The following NACC2 variants were observed in gnomAD, a reference collection of about 807,000 sequenced individuals.
NACC2 encodes NACC family member 2.
In NACC2, 8 loss-of-function variants were observed where a neutral mutation model predicts 25.1. The ratio of observed to expected loss-of-function variants is 0.32; its 90% confidence interval spans 0.19 to 0.57. NACC2 has a LOEUF of 0.57. Among genes scored for constraint, NACC2 ranks in the 20% least tolerant of loss-of-function variants. NACC2 has a pLI of 0.89. For missense variants in NACC2, 644 were observed against 650.2 expected (o/e 0.99, Z 0.10); for synonymous variants, 435 against 294.7 (o/e 1.48, Z -4.88).
intron 2 of NACC2, among the ~76,000 whole-genome samples, chr9:136,042,725 GAC>G (rs1476948391): frequency 2.9e-4 from 41 of 143,172 alleles, no homozygotes; most frequent in African/African-American, 1.0e-3. Context: ...CACACACACA[GAC>G]ACAGACACAC....
At chr9:136,021,320 T>C (rs970689388) in intron 2 of NACC2, among the ~76,000 whole-genome samples, 25 of 149,346 alleles carry the variant, frequency 1.7e-4, no homozygotes, top group Admixed American at 1.6e-3. Context: ...AATCAAGCCA[T>C]GTTGCGGTCC....
chr9:136,038,314 T>C (rs558582455), intron 2 of NACC2, among the ~76,000 whole-genome samples: 2 of 152,302 alleles, frequency 1.3e-5, no homozygotes, highest in South Asian at 2.1e-4. Context: ...GGCCGGTGGA[T>C]TGCTTGAGCC....
intron 1 of NACC2, among the ~76,000 whole-genome samples, chr9:136,077,539 T>C (rs745474326): frequency 1.3e-5 from 2 of 152,098 alleles, no homozygotes; most frequent in Admixed American, 1.3e-4. Context: ...GCAAAGGGCG[T>C]GTGGTCAGAG....
intron 1 of NACC2, among the ~76,000 whole-genome samples, chr9:136,051,744 C>T (rs930838289): frequency 2.6e-5 from 4 of 152,114 alleles, no homozygotes; most frequent in African/African-American, 4.8e-5. Context: ...TCAGCCGCTG[C>T]GGCCGCCGGC....
intron 2 of NACC2, among the ~76,000 whole-genome samples, chr9:136,044,248 G>A (rs1840686089): frequency 6.6e-6 from 1 of 152,160 alleles, no homozygotes; most frequent in African/African-American, 2.4e-5. Flanking sequence ...CCAGTGCGGT[G>A]CTCCCACCTG....
At chr9:136,024,023 G>A (rs146761497) in intron 2 of NACC2, among the ~76,000 whole-genome samples, 87 of 152,370 alleles carry the variant, frequency 5.7e-4, no homozygotes, top group African/African-American at 1.9e-3. Context: ...CCAGCTGTGA[G>A]TTCCTCTGGG....
At position 136,022,757 on chromosome 9, in the gene NACC2, C is replaced by A. The variant is rs4842077; in HGVS notation, c.887-6328G>T. 6.6e-6 allele frequency among the ~76,000 whole-genome samples: 1 copy of A among 152,030 alleles called. No homozygotes were observed. The highest frequency in any genetic ancestry group is 2.0e-4 in the East Asian group (1 of 5,128). On this transcript the variant is annotated intron_variant, in intron 2 of 5. Transcript: ENST00000277554. This position sits in a 1 kb window ranked among gnomAD's most constrained non-coding sequence, Gnocchi z 4.4. Reference sequence around the variant, plus strand: ...TGTCATCCTCCAGAAAGACCAGAAACGACTTCCACGCTGTACTTGGTGGGA... The same window carrying A: ...TGTCATCCTCCAGAAAGACCAGAAAAGACTTCCACGCTGTACTTGGTGGGA...
intron 2 of NACC2, among the ~76,000 whole-genome samples, chr9:136,042,345 A>G (rs2131155446): frequency 6.6e-6 from 1 of 152,320 alleles, no homozygotes; most frequent in East Asian, 1.9e-4. Flanking sequence ...GACTTCAAGA[A>G]TTAAAGCTAC....
At position 136,019,380 on chromosome 9, in the gene NACC2, G is replaced by A. The variant is rs1840254200; in HGVS notation, c.887-2951C>T. ...TGTGAGCAAGGAAGAGGCCCCTGCC[G>A]GTCACACTGAGGTCCCTCCTGAGCC... On this transcript the variant is annotated intron_variant, in intron 2 of 5. Transcript: ENST00000277554. This position sits in a 1 kb window ranked among gnomAD's most constrained non-coding sequence, Gnocchi z 5.2. 2 of 152,196 alleles carry A rather than the reference G, an allele frequency of 1.3e-5. No homozygotes were observed. Among genetic ancestry groups the A allele is most frequent in the South Asian group, 2.1e-4 (1 of 4,834 alleles). The allele number at this position is 152,196 out of a possible 1,614,324, so 9.4% of individuals were successfully genotyped here. A position where few individuals can be genotyped will look rare whatever the true frequency, so the allele number is the denominator to read the frequency against.
At chr9:136,042,381 C>CATA (rs1245354523) in intron 2 of NACC2, among the ~76,000 whole-genome samples, 1 of 152,150 alleles carries the variant, frequency 6.6e-6, no homozygotes, top group African/African-American at 2.4e-5. Flanking sequence ...GGGTATCTGG[C>CATA]ATAAGCACAG....
chr9:136,016,320 G>A lies in NACC2; in HGVS notation c.996C>T (p.Cys332=), dbSNP rs1840202925. The change falls in exon 3 of 6, where the codon TGC becomes TGT. Residue 332 remains cysteine (C), a synonymous_variant. Coordinates refer to ENST00000277554, the MANE Select transcript of NACC2 (RefSeq NM_144653.5). ...ASLISQIGYR[C]HPKLYSEGDP... is the part of the protein sequence containing the mutation. ...CCCCTTCCGAGTAGAGCTTGGGATG[G>A]CAGCGGTATCCGATCTGGCTGATGA... 1 of 1,612,768 alleles carries A rather than the reference G, an allele frequency of 6.2e-7. No individual in the cohort carries two copies. The highest frequency in any genetic ancestry group is 8.5e-7 in the Non-Finnish European group (1 of 1,180,016).
chr9:136,032,921 G>T (rs1036737519), intron 2 of NACC2, among the ~76,000 whole-genome samples: 3 of 152,054 alleles, frequency 2.0e-5, no homozygotes, highest in African/African-American at 7.2e-5. Flanking sequence ...GGGAGGCTGA[G>T]GCAGGAGAAT....
At chr9:136,028,825 G>A (rs1048567339) in intron 2 of NACC2, among the ~76,000 whole-genome samples, 2 of 152,198 alleles carry the variant, frequency 1.3e-5, no homozygotes, top group South Asian at 2.1e-4. Flanking sequence ...GACCTGCTCC[G>A]ATTTTGGAGC....
rs551320272 is a variant in NACC2 at position 136,043,277 on chromosome 9, A to T, written c.886+6359T>A. Reference sequence around the variant, plus strand: ...AGGGAACTCTTAAAATCTAATTTTTAAAAAATGGACAAAAGATCTGAAGAA... The same window carrying T: ...AGGGAACTCTTAAAATCTAATTTTTTAAAAATGGACAAAAGATCTGAAGAA... On this transcript the variant is annotated intron_variant, in intron 2 of 5. Transcript: ENST00000277554. 1.2e-3 allele frequency among the ~76,000 whole-genome samples: 181 copies of T among 152,372 alleles called. 1 individual carries two copies. Among genetic ancestry groups the T allele is most frequent in the African/African-American group, 4.1e-3 (169 of 41,586 alleles).
At chr9:136,042,370 G>C (rs967568093) in intron 2 of NACC2, among the ~76,000 whole-genome samples, 76 of 152,228 alleles carry the variant, frequency 5.0e-4, no homozygotes, top group Admixed American at 9.8e-4. Context: ...ATCCTGACGG[G>C]GGGTATCTGG....
In NACC2 at chr9:136,084,666, C is replaced by T. The variant is rs761728486; in HGVS notation, c.-60+10523G>A. 6.6e-6 allele frequency among the ~76,000 whole-genome samples: 1 copy of T among 152,250 alleles called. No individual in the cohort carries two copies. Among genetic ancestry groups the T allele is most frequent in the Non-Finnish European group, 1.5e-5 (1 of 68,042 alleles). On this transcript the variant is annotated intron_variant, in intron 1 of 5. Transcript: ENST00000277554. The surrounding 1 kb of genome is among the most constrained non-coding windows in gnomAD (Gnocchi z 5.1). ...GTCCATAGCGGCAGCACCAGACAGCCAAGAGGCAAGTGGCCCCAGGGTCCG... is the reference window on the plus strand; with the variant it reads ...GTCCATAGCGGCAGCACCAGACAGCTAAGAGGCAAGTGGCCCCAGGGTCCG...
chr9:136,017,377 G>A (rs1265436806), intron 2 of NACC2, among the ~76,000 whole-genome samples: 1 of 152,104 alleles, frequency 6.6e-6, no homozygotes, highest in Non-Finnish European at 1.5e-5. Flanking sequence ...GTTCATGGAG[G>A]GCCAGGGCTG....
In NACC2 at chr9:136,022,881, A is replaced by G. The variant is rs978618059; in HGVS notation, c.887-6452T>C. 1.3e-5 allele frequency among the ~76,000 whole-genome samples: 2 copies of G among 149,070 alleles called. No individual in the cohort carries two copies. Among genetic ancestry groups the G allele is most frequent in the African/African-American group, 2.5e-5 (1 of 39,872 alleles). On this transcript the variant is annotated intron_variant, in intron 2 of 5. Coordinates refer to ENST00000277554, the MANE Select transcript of NACC2 (RefSeq NM_144653.5). The surrounding 1 kb of genome is among the most constrained non-coding windows in gnomAD (Gnocchi z 4.4). ...TGCCACGCCATAACTGGGAAGGCAA[A>G]CCATCACCAATTACCACGCCATGCC...
At chr9:136,037,367 G>A (rs1198579348) in intron 2 of NACC2, among the ~76,000 whole-genome samples, 2 of 151,840 alleles carry the variant, frequency 1.3e-5, no homozygotes, top group Non-Finnish European at 2.9e-5. Flanking sequence ...GGAACTACAG[G>A]CACACACCAC....
Sources: gnomAD v4.1 joint callset for allele counts (sites outside exome capture counted in the v4.1 genomes callset) on GRCh38, gnomAD v4.1.1 for gene constraint, Gnocchi (gnomAD v3.1) non-coding constraint, MANE v1.5 for transcripts, NCBI Gene and HGNC (gene_info 2026-07-23, HGNC 2026-07-21) for gene names.